UBE2T: variants seen among roughly 807,000 people sequenced by gnomAD.
UBE2T encodes the protein ubiquitin-conjugating enzyme E2 T.
In UBE2T, 15 loss-of-function variants were observed where a neutral mutation model predicts 23.3. That is an observed-to-expected ratio of 0.64 (90% CI 0.43 to 0.99). The LOEUF (loss-of-function observed/expected upper bound fraction) is 0.99, where lower values mean the gene tolerates loss of function less well. Among genes scored for constraint, UBE2T ranks in the 50% least tolerant of loss-of-function variants. The pLI is 0.00. For synonymous variants in UBE2T, 67 were observed against 78.4 expected, an observed-to-expected ratio of 0.85 and a Z score of 0.77; for missense variants, 197 against 234.9, an observed-to-expected ratio of 0.84 and a Z score of 1.05.
intron 1 of UBE2T, among the ~76,000 whole-genome samples, chr1:202,341,240 G>A (rs1158972386): frequency 6.6e-6 from 1 of 152,056 alleles, no homozygotes; most frequent in Non-Finnish European, 1.5e-5. Context: ...AGTAAATTTG[G>A]ATAATTAATG....
chr1:202,337,661 C>CA (rs1220499664), intron 1 of UBE2T, among the ~76,000 whole-genome samples: 1 of 152,142 alleles, frequency 6.6e-6, no homozygotes. Context: ...TTCCACTGGT[C>CA]AAGTGGATTA....
chr1:202,338,883 CAA>C (rs1175610097), intron 1 of UBE2T, among the ~76,000 whole-genome samples: 9 of 112,702 alleles, frequency 8.0e-5, no homozygotes, highest in Admixed American at 1.8e-4. Context: ...AAACAACAGC[CAA>C]AAAAAAAAAA....
chr1:202,334,601 G>C (rs187640818), intron 3 of UBE2T, among the ~76,000 whole-genome samples: 1 of 152,156 alleles, frequency 6.6e-6, no homozygotes, highest in African/African-American at 2.4e-5. Flanking sequence ...GGCTGAGAGC[G>C]GGGAGAAATG....
chr1:202,339,411 T>C (rs1001465837), intron 1 of UBE2T, among the ~76,000 whole-genome samples: 1 of 152,054 alleles, frequency 6.6e-6, no homozygotes, highest in Non-Finnish European at 1.5e-5. Context: ...TCAGTCTTGC[T>C]GGGCATGTAT....
In UBE2T at chr1:202,335,113, T is replaced by C; in HGVS notation, c.110-55A>G. The C allele has an allele frequency of 2.8e-6, 4 of 1,430,536 alleles. No homozygotes were observed. The South Asian group carries it at 4.9e-5, about 18-fold the overall frequency. 88.6% of individuals were successfully genotyped at this position (1,430,536 alleles called of 1,614,324 possible). On this transcript the variant is annotated intron_variant, in intron 2 of 6. Coordinates refer to ENST00000646651, the MANE Select transcript of UBE2T (RefSeq NM_014176.4). This position sits in a 1 kb window ranked among gnomAD's most constrained non-coding sequence, Gnocchi z 4.0. ...AAGGGAATCAGATCATTTGAATTAC[T>C]ACCATATGGAGCTAATGAGGTCTAT... is the stretch of plus-strand genomic sequence containing the variant.
intron 1 of UBE2T, among the ~76,000 whole-genome samples, chr1:202,336,142 C>T (rs1654877215): frequency 6.6e-6 from 1 of 151,042 alleles, no homozygotes; most frequent in South Asian, 2.1e-4. Flanking sequence ...AAATGCCTGA[C>T]CTCAGGTGAT....
In UBE2T at chr1:202,332,928, A is replaced by C. The variant is rs865816062; in HGVS notation, c.468+82T>G. The C allele has an allele frequency of 8.2e-4, 375 of 456,938 alleles. 10 individuals carry two copies. The highest frequency in any genetic ancestry group is 7.4e-3 in the African/African-American group (328 of 44,198). 28.3% of individuals were successfully genotyped at this position (456,938 alleles called of 1,614,324 possible). On this transcript the variant is annotated intron_variant, in intron 6 of 6. Coordinates refer to ENST00000646651, the MANE Select transcript of UBE2T (RefSeq NM_014176.4). ...GTCTCAAAAAAAAAAAAAAAAAAAAAAAAAAAAAAAAACATTATTTATACA... is the reference window on the plus strand; with the variant it reads ...GTCTCAAAAAAAAAAAAAAAAAAAACAAAAAAAAAAAACATTATTTATACA...
chr1:202,341,778 A>G (rs1313260381), intron 1 of UBE2T, 117 bp downstream of exon 1: 1 of 152,146 alleles, frequency 6.6e-6, no homozygotes, highest in Non-Finnish European at 1.5e-5. Context: ...CTCTCCTTTC[A>G]GAGGAGACGA....
chr1:202,333,187 G>C, intron 5 of UBE2T, 50 bp downstream of exon 5: 2 of 1,607,336 alleles, frequency 1.2e-6, no homozygotes, highest in Non-Finnish European at 1.7e-6. Context: ...GAGAGTTAGC[G>C]GTATAGACAA....
chr1:202,332,907 C>CAAAAAAAAAAAAAAAAAAAAAAAAAAAAA, intron 6 of UBE2T, 103 bp downstream of exon 6: 1 of 157,068 alleles, frequency 6.4e-6, no homozygotes, highest in Non-Finnish European at 8.5e-6. Flanking sequence ...GACTCCGTCT[C>CAAAAAAAAAAAAAAAAAAAAAAAAAAAAA]AAAAAAAAAA....
intron 1 of UBE2T, among the ~76,000 whole-genome samples, chr1:202,338,927 G>A (rs1180663856): frequency 6.6e-6 from 1 of 151,818 alleles, no homozygotes; most frequent in Non-Finnish European, 1.5e-5. Flanking sequence ...CTGATAGTTG[G>A]CATTCTTGTC....
At position 202,335,777 on chromosome 1, in the gene UBE2T, C is replaced by G. The variant is rs1382809299; in HGVS notation, c.-23G>C. The G allele has an allele frequency of 6.2e-7, 1 of 1,606,096 alleles. No individual in the cohort carries two copies. On this transcript the variant is annotated 5_prime_UTR_variant, in exon 2 of 7. Coordinates refer to ENST00000646651, the MANE Select transcript of UBE2T (RefSeq NM_014176.4). This position sits in a 1 kb window ranked among gnomAD's most constrained non-coding sequence, Gnocchi z 4.0. ...CATGATCCCCAAGTAGAAGGAACCACACACAGTTCACTGCTCCACACTAAG... is the reference window on the plus strand; with the variant it reads ...CATGATCCCCAAGTAGAAGGAACCAGACACAGTTCACTGCTCCACACTAAG...
intron 3 of UBE2T, among the ~76,000 whole-genome samples, chr1:202,334,532 G>C (rs1654839203): frequency 6.6e-6 from 1 of 152,114 alleles, no homozygotes; most frequent in Admixed American, 6.6e-5. Context: ...TAAAATAAAT[G>C]TTAAAAGAAA....
rs547925494 is a variant in UBE2T, at chr1:202,333,659, C to G, written c.180-104G>C. 3 of 1,034,898 alleles carry G rather than the reference C, an allele frequency of 2.9e-6. No individual in the cohort carries two copies. The East Asian group carries it at 7.9e-5, about 27-fold the overall frequency. 64.1% of individuals were successfully genotyped at this position (1,034,898 alleles called of 1,614,324 possible). A position where few individuals can be genotyped will look rare whatever the true frequency, so the allele number is the denominator to read the frequency against. On this transcript the variant is annotated intron_variant, in intron 3 of 6. Transcript: ENST00000646651. ...AATAATTTTGGTATTATAGAAATGT[C>G]AGGGAGACTGCCTTTGGGAGGCAAA...
Position 202,335,074 on chromosome 1 carries a change from A to T in UBE2T, c.110-16T>A. On this transcript the variant is annotated splice_polypyrimidine_tract_variant and intron_variant, in intron 2 of 6. Coordinates refer to ENST00000646651, the MANE Select transcript of UBE2T (RefSeq NM_014176.4). The surrounding 1 kb of genome is among the most constrained non-coding windows in gnomAD (Gnocchi z 4.0). ...CCTAATATTTCTTAAAAGAAAAAAG[A>T]AAGAAAAAGTTAAAAGGGAATCAGA... 1 of 1,596,638 alleles carries T rather than the reference A, an allele frequency of 6.3e-7. No individual in the cohort carries two copies. Among genetic ancestry groups the T allele is most frequent in the South Asian group, 1.1e-5 (1 of 88,780 alleles).
chr1:202,338,523 T>A (rs1377026471), intron 1 of UBE2T, among the ~76,000 whole-genome samples: 1 of 152,102 alleles, frequency 6.6e-6, no homozygotes, highest in Non-Finnish European at 1.5e-5. Context: ...GCCCAGCCAA[T>A]CTAACTGATT....
chr1:202,334,838 G>C, intron 3 of UBE2T, 151 bp downstream of exon 3: 1 of 641,276 alleles, frequency 1.6e-6, no homozygotes, highest in South Asian at 2.4e-5. Context: ...CTGAACTCCA[G>C]AGAGAGAAAA....
rs372131488 is a variant in UBE2T at position 202,337,667 on chromosome 1, G to A, written c.-64-1849C>T. 6.0e-4 allele frequency among the ~76,000 whole-genome samples: 92 copies of A among 152,202 alleles called. No individual in the cohort carries two copies. The South Asian group carries it at 0.011, about 18-fold the overall frequency. Reference sequence around the variant, plus strand: ...TTGAATTTGTTCCACTGGTCAAGTGGATTATTTCTGAGACAATACTCCACT... The same window carrying A: ...TTGAATTTGTTCCACTGGTCAAGTGAATTATTTCTGAGACAATACTCCACT... On this transcript the variant is annotated intron_variant, in intron 1 of 6. Coordinates refer to ENST00000646651, the MANE Select transcript of UBE2T (RefSeq NM_014176.4).
At position 202,333,455 on chromosome 1, in the gene UBE2T, G is replaced by T. The variant is rs545697522; in HGVS notation, c.280C>A (p.Pro94Thr). The T allele has an allele frequency of 1.9e-6, 3 of 1,614,116 alleles. No individual in the cohort carries two copies. The South Asian group carries it at 3.3e-5, about 18-fold the overall frequency. The change falls in exon 4 of 7, where the codon CCA (proline) becomes ACA (threonine). Residue 94 changes from proline to threonine, a missense_variant. Transcript: ENST00000646651. ...RICLDVLKLP[P>T]KGAWRPSLNI... The stretch of plus-strand genomic sequence containing the variant: ...ACCATTTACCCACAACTCACTTTTG[G>T]TGGCAATTTGAGAACATCCAGACAA...
Sources: allele counts gnomAD v4.1 joint callset (sites outside exome capture counted in the v4.1 genomes callset), GRCh38; gene constraint gnomAD v4.1.1; non-coding constraint Gnocchi (gnomAD v3.1); transcripts MANE v1.5; gene names NCBI Gene and HGNC (gene_info 2026-07-23, HGNC 2026-07-21).